Variants in SASH3 observed in about 807,000 individuals in gnomAD.
The protein encoded by SASH3 is SAM and SH3 domain containing 3.
Under a neutral mutation model 26.1 loss-of-function variants are expected in SASH3, and 7 were observed. That is an observed-to-expected ratio of 0.27 (90% CI 0.15 to 0.50). The LOEUF (loss-of-function observed/expected upper bound fraction) is 0.50, where lower values mean the gene tolerates loss of function less well. SASH3 is among the 20% of genes least tolerant of loss of function. The pLI is 0.98. For missense variants in SASH3, 231 were observed against 318.3 expected (o/e 0.73, Z 2.09); for synonymous variants, 138 against 136.8 (o/e 1.01, Z -0.06).
intron 1 of SASH3, among the ~76,000 whole-genome samples, chrX:129,784,228 T>C (rs1927068033): frequency 9.0e-6 from 1 of 111,591 alleles, no homozygotes; most frequent in East Asian, 2.8e-4. Flanking sequence ...CTCAACCATA[T>C]GTTTGTGACA....
chrX:129,780,234 A>T (rs1388393508), intron 1 of SASH3, 80 bp downstream of exon 1: 1 of 946,587 alleles, frequency 1.1e-6, no homozygotes, highest in African/African-American at 1.9e-5. Context: ...TGGAAGTGGG[A>T]AGAGCCAAAG....
intron 1 of SASH3, among the ~76,000 whole-genome samples, chrX:129,783,979 C>T (rs773622703): frequency 1.8e-4 from 20 of 111,108 alleles, no homozygotes; most frequent in Non-Finnish European, 3.4e-4. Flanking sequence ...ATCATAATTG[C>T]GCCACCGAAT....
rs1478501346 is a variant in SASH3 at position 129,793,006 on chromosome X, C to G, written c.819C>G (p.Leu273=). Residue 273 remains leucine, a synonymous_variant, in exon 7 of 8, where the codon CTC becomes CTG. Coordinates refer to ENST00000356892, the MANE Select transcript of SASH3 (RefSeq NM_018990.4). ...GCCTACAGGAGCACACATCCACCCT[C>G]CTGCTCAATGGCTACCAGACACTGG... ...RIGLEEHTST[L]LLNGYQTLED... The G allele has an allele frequency of 7.4e-6, 9 of 1,211,836 alleles. No homozygotes were observed. In the South Asian group the frequency reaches 1.2e-4, roughly 17 times the overall value.
At chrX:129,793,506 C>A (rs114378847) in intron 7 of SASH3, 136 bp from the exon 8 acceptor site, 1 of 671,331 alleles carries the variant, frequency 1.5e-6, no homozygotes, top group Non-Finnish European at 2.2e-6. Flanking sequence ...CAACTCCTAC[C>A]AGCTTCTAAG....
intron 1 of SASH3, among the ~76,000 whole-genome samples, chrX:129,781,991 G>A (rs1927025348): frequency 8.9e-6 from 1 of 112,655 alleles, no homozygotes; most frequent in Admixed American, 9.4e-5. Context: ...TCTTCTCAGA[G>A]GCTGAGATGA....
Position 129,793,813 on chromosome X carries a change from C to T in SASH3, c.1124C>T (p.Ser375Phe). The change falls in exon 8 of 8, where the codon TCC becomes TTC. Residue 375 changes from serine to phenylalanine, a missense_variant. Ser to Phe is a radical substitution (Grantham distance 155, BLOSUM62 -2). Transcript: ENST00000356892. ...AGTEEQLQGL[S>F]LAGAP ...ACTGAGGAGCAGCTGCAAGGCCTCT[C>T]CCTGGCCGGGGCACCTTGAGGTGGC... The T allele has an allele frequency of 8.4e-7, 1 of 1,189,816 alleles. No homozygotes were observed. The highest frequency in any genetic ancestry group is 1.1e-6 in the Non-Finnish European group (1 of 884,400).
rs746579390 is a variant in SASH3, at chrX:129,794,524, C to T, written c.*692C>T. The T allele has an allele frequency of 9.0e-6, 1 of 111,523 alleles. No homozygotes were observed. The highest frequency in any genetic ancestry group is 3.8e-4 in the South Asian group (1 of 2,638). The allele number at this position is 111,523 out of a possible 1,213,427, so 9.2% of individuals were successfully genotyped here. A position where few individuals can be genotyped will look rare whatever the true frequency, so the allele number is the denominator to read the frequency against. On this transcript the variant is annotated 3_prime_UTR_variant, in exon 8 of 8. Transcript: ENST00000356892. ...CATTCTGTGACATTAAATGTCTATTCTCCTGTTACCTGTGGCCTGGGACAC... is the reference window on the plus strand; with the variant it reads ...CATTCTGTGACATTAAATGTCTATTTTCCTGTTACCTGTGGCCTGGGACAC...
At chrX:129,785,352 G>A (rs111389545) in intron 1 of SASH3, among the ~76,000 whole-genome samples, 3 of 111,655 alleles carry the variant, frequency 2.7e-5, no homozygotes, top group Non-Finnish European at 5.6e-5. Context: ...CTGTCCCTGA[G>A]GTTGGAGGTA....
intron 7 of SASH3, among the ~76,000 whole-genome samples, chrX:129,793,360 T>A (rs1344577641): frequency 1.8e-5 from 2 of 112,397 alleles, no homozygotes; most frequent in African/African-American, 3.2e-5. Context: ...AGGGGACCCT[T>A]AAGGCCAAAG....
chrX:129,794,120 C>T lies in SASH3; in HGVS notation c.*288C>T, dbSNP rs113219598. On this transcript the variant is annotated 3_prime_UTR_variant, in exon 8 of 8. Transcript: ENST00000356892. ...ACCAACTGCTCCCCTGCCATGGCCA[C>T]GGCCACAGCAAGTGGGGCACTGGGA... 4.0e-3 allele frequency: 1,383 copies of T among 344,132 alleles called. 15 individuals carry two copies. The highest frequency in any genetic ancestry group is 0.03 in the African/African-American group (1,190 of 39,381). 28.4% of individuals were successfully genotyped at this position (344,132 alleles called of 1,213,427 possible). A position where few individuals can be genotyped will look rare whatever the true frequency, so the allele number is the denominator to read the frequency against.
rs1164492177 is a variant in SASH3, at chrX:129,788,351, C to T, written c.154-80C>T. The T allele has an allele frequency of 1.6e-5, 17 of 1,084,780 alleles. No individual in the cohort carries two copies. The South Asian group carries it at 2.2e-4, about 14-fold the overall frequency. The allele number at this position is 1,084,780 out of a possible 1,213,427, so 89.4% of individuals were successfully genotyped here. A position where few individuals can be genotyped will look rare whatever the true frequency, so the allele number is the denominator to read the frequency against. On this transcript the variant is annotated intron_variant, in intron 2 of 7. Transcript: ENST00000356892. ...CCACCCCCTCCAGCTTCTGCTGTGA[C>T]CCCAAGGCCTCTTTTGCCTCAAGTC...
rs2231133 is a variant in SASH3, at chrX:129,793,605, A to G, written c.953-37A>G. The stretch of plus-strand genomic sequence containing the variant: ...TGTATTTCCCAAGGTCCCTACCTCC[A>G]CCCCCATATTCTGTCTCCCTCTCTC... On this transcript the variant is annotated intron_variant, in intron 7 of 7. Coordinates refer to ENST00000356892, the MANE Select transcript of SASH3 (RefSeq NM_018990.4). The G allele has an allele frequency of 4.5e-4, 529 of 1,188,566 alleles. 3 individuals carry two copies. The African/African-American group carries it at 8.1e-3, about 18-fold the overall frequency.
At position 129,780,364 on chromosome X, in the gene SASH3, T is replaced by A. The variant is rs768095426; in HGVS notation, c.57+210T>A. On this transcript the variant is annotated intron_variant, in intron 1 of 7. Transcript: ENST00000356892. ...ATTCTGGAGCAACAGAGTTACAGAA[T>A]AGATCCTTAGAAATCTAGAGTCATG... Among the ~76,000 whole-genome samples, 7 of 111,221 alleles carry A rather than the reference T, an allele frequency of 6.3e-5. No individual in the cohort carries two copies. In the East Asian group the frequency reaches 1.1e-3, roughly 18 times the overall value.
chrX:129,786,688 T>C, intron 1 of SASH3, among the ~76,000 whole-genome samples: 1 of 111,895 alleles, frequency 8.9e-6, no homozygotes, highest in Non-Finnish European at 1.9e-5. Context: ...TGCATGTGCA[T>C]GCATATATAT....
Position 129,791,097 on chromosome X carries a change from G to T in SASH3, c.442+16G>T. 8.3e-7 allele frequency: 1 copy of T among 1,204,541 alleles called. No individual in the cohort carries two copies. The highest frequency in any genetic ancestry group is 1.8e-5 in the South Asian group (1 of 56,176). On this transcript the variant is annotated intron_variant, in intron 4 of 7. Coordinates refer to ENST00000356892, the MANE Select transcript of SASH3 (RefSeq NM_018990.4). Reference sequence around the variant, plus strand: ...GCATCAACAGGTGAGTAGGGGATGCGGGGGACACCTGCCGAATCTGGAGGA... The same window carrying T: ...GCATCAACAGGTGAGTAGGGGATGCTGGGGACACCTGCCGAATCTGGAGGA...
intron 1 of SASH3, among the ~76,000 whole-genome samples, chrX:129,781,176 C>G (rs1248349576): frequency 1.8e-5 from 2 of 112,305 alleles, no homozygotes; most frequent in Non-Finnish European, 3.8e-5. Context: ...GCCAATTTTC[C>G]CTGGAACTCA....
At chrX:129,791,428 G>A (rs895568876) in intron 4 of SASH3, among the ~76,000 whole-genome samples, 4 of 112,001 alleles carry the variant, frequency 3.6e-5, no homozygotes, top group African/African-American at 9.7e-5. Flanking sequence ...TCACCCTCTT[G>A]GACCAGCCCG....
In SASH3 at chrX:129,780,070, G is replaced by C; in HGVS notation, c.-28G>C. ...CTGCATCTTGACACCTAGGAGAGCA[G>C]GGACGGAGTCTCCCAGGGTGGAGGA... On this transcript the variant is annotated 5_prime_UTR_variant, in exon 1 of 8. Coordinates refer to ENST00000356892, the MANE Select transcript of SASH3 (RefSeq NM_018990.4). The C allele has an allele frequency of 8.3e-7, 1 of 1,205,411 alleles. No individual in the cohort carries two copies. The highest frequency in any genetic ancestry group is 1.1e-6 in the Non-Finnish European group (1 of 889,761).
rs201181364 is a variant in SASH3, at chrX:129,789,167, GAAA to G, written c.300+602_300+604del. ...AAAGAAAGAAAGAAAGAAAGAAAGA[GAAA>G]AAAAAAAAAAAGAAAAGTCTGGGCA... On this transcript the variant is annotated intron_variant, in intron 3 of 7. Coordinates refer to ENST00000356892, the MANE Select transcript of SASH3 (RefSeq NM_018990.4). Among the ~76,000 whole-genome samples, 15 of 13,801 alleles carry G rather than the reference GAAA, an allele frequency of 1.1e-3. 1 individual carries two copies. The highest frequency in any genetic ancestry group is 4.6e-3 in the African/African-American group (13 of 2,852). The allele number at this position is 13,801 out of a possible 115,157, so 12.0% of individuals were successfully genotyped here.
Sources: gnomAD v4.1 joint callset for allele counts (sites outside exome capture counted in the v4.1 genomes callset) on GRCh38, gnomAD v4.1.1 for gene constraint, MANE v1.5 for transcripts, NCBI Gene and HGNC (gene_info 2026-07-23, HGNC 2026-07-21) for gene names.